PGGT1B: variants seen among roughly 807,000 people sequenced by gnomAD.
PGGT1B encodes protein geranylgeranyltransferase type I subunit beta, also known as geranylgeranyl transferase type-1 subunit beta.
PGGT1B carries 30 observed loss-of-function variants against 46.1 expected under a neutral mutation model. The observed-to-expected ratio is 0.65, with a 90% CI of 0.49 to 0.88. The LOEUF is 0.88. Ranked by LOEUF, PGGT1B falls within the 40% of genes least tolerant of loss-of-function variation. The probability of loss-of-function intolerance (pLI) is 0.00; values close to 1 mark genes in which losing one functional copy is unlikely to be tolerated. For missense variants in PGGT1B, 376 were observed against 455.9 expected, an observed-to-expected ratio of 0.82 and a Z score of 1.60; for synonymous variants, 170 against 160.0, an observed-to-expected ratio of 1.06 and a Z score of -0.47.
chr5:115,237,760 G>T, intron 4 of PGGT1B, 98 bp downstream of exon 4: 1 of 1,007,418 alleles, frequency 9.9e-7, no homozygotes, highest in Non-Finnish European at 1.4e-6. Flanking sequence ...TTCTAATAGA[G>T]TATGATCCTC....
chr5:115,237,829 CA>C, intron 4 of PGGT1B, 28 bp downstream of exon 4: 4 of 1,589,338 alleles, frequency 2.5e-6, no homozygotes, highest in Non-Finnish European at 2.6e-6. Flanking sequence ...TTGTTTATTA[CA>C]AAAAAAGTAA....
intron 5 of PGGT1B, among the ~76,000 whole-genome samples, chr5:115,232,443 C>G (rs1041534469): frequency 6.6e-6 from 1 of 152,002 alleles, no homozygotes; most frequent in Admixed American, 6.6e-5. Context: ...AGAAAAAATA[C>G]TCCATCTTAT....
chr5:115,244,265 A>C (rs1747701716), intron 2 of PGGT1B, among the ~76,000 whole-genome samples: 1 of 151,850 alleles, frequency 6.6e-6, no homozygotes, highest in South Asian at 2.1e-4. Context: ...GGAGATCAAG[A>C]CCATCCTGGC....
chr5:115,260,603 G>A (rs1748514251), intron 1 of PGGT1B, among the ~76,000 whole-genome samples: 1 of 152,098 alleles, frequency 6.6e-6, no homozygotes, highest in Non-Finnish European at 1.5e-5. Context: ...TGTGAGTTAG[G>A]AAAGAGAAAA....
intron 6 of PGGT1B, among the ~76,000 whole-genome samples, chr5:115,224,536 C>T (rs887576781): frequency 6.6e-6 from 1 of 152,006 alleles, no homozygotes; most frequent in African/African-American, 2.4e-5. Flanking sequence ...TTGTTTTACA[C>T]AAATCTCTAA....
At chr5:115,214,249 T>C (rs545516477) in intron 8 of PGGT1B, among the ~76,000 whole-genome samples, 2 of 152,270 alleles carry the variant, frequency 1.3e-5, no homozygotes, top group South Asian at 2.1e-4. Flanking sequence ...AAAAGATTTT[T>C]GTAACAGCCA....
chr5:115,229,972 G>C (rs1756926379), intron 6 of PGGT1B, among the ~76,000 whole-genome samples: 1 of 152,112 alleles, frequency 6.6e-6, no homozygotes, highest in Non-Finnish European at 1.5e-5. Context: ...GAAGAGGTGA[G>C]AAGAGGAGGA....
intron 8 of PGGT1B, among the ~76,000 whole-genome samples, chr5:115,216,145 C>T (rs1382586839): frequency 3.4e-5 from 5 of 149,000 alleles, no homozygotes; most frequent in Admixed American, 6.7e-5. Flanking sequence ...TATTTAATGA[C>T]TTTTTTTTTT....
chr5:115,240,642 A>G (rs1184056042), intron 3 of PGGT1B, among the ~76,000 whole-genome samples: 1 of 152,200 alleles, frequency 6.6e-6, no homozygotes, highest in East Asian at 1.9e-4. Context: ...CTGAAGTAGT[A>G]CCTCTATCAA....
At chr5:115,232,165 T>C (rs1167295376) in intron 5 of PGGT1B, among the ~76,000 whole-genome samples, 2 of 151,852 alleles carry the variant, frequency 1.3e-5, no homozygotes, top group African/African-American at 4.8e-5. Flanking sequence ...AAAATTAGAG[T>C]TATAGAAGAA....
At chr5:115,232,446 C>T (rs1380175253) in intron 5 of PGGT1B, among the ~76,000 whole-genome samples, 1 of 151,940 alleles carries the variant, frequency 6.6e-6, no homozygotes, top group Non-Finnish European at 1.5e-5. Flanking sequence ...AAAAATACTC[C>T]ATCTTATAAT....
At chr5:115,220,812 GATTAT>G (rs1028080444) in intron 7 of PGGT1B, among the ~76,000 whole-genome samples, 45 of 151,746 alleles carry the variant, frequency 3.0e-4, no homozygotes, top group African/African-American at 1.1e-3. Flanking sequence ...TTCATTTAGA[GATTAT>G]ATTAAAAAAT....
intron 1 of PGGT1B, 96 bp downstream of exon 1, chr5:115,262,615 GC>G: frequency 7.2e-7 from 1 of 1,386,662 alleles, no homozygotes; most frequent in South Asian, 1.4e-5. Context: ...CGGCCGCGCA[GC>G]CCCCTTCCGG....
At chr5:115,219,109 G>C (rs1235367968) in intron 7 of PGGT1B, among the ~76,000 whole-genome samples, 1 of 151,844 alleles carries the variant, frequency 6.6e-6, no homozygotes, top group Non-Finnish European at 1.5e-5. Flanking sequence ...TCAATTACCA[G>C]ATTCATATCA....
chr5:115,249,854 G>C (rs916797565), intron 2 of PGGT1B, among the ~76,000 whole-genome samples: 1 of 152,118 alleles, frequency 6.6e-6, no homozygotes, highest in African/African-American at 2.4e-5. Context: ...CTGGGCCATA[G>C]TTTATGTAAC....
In PGGT1B at chr5:115,204,653, A is replaced by C. The variant is rs963827633; in HGVS notation, c.*7749T>G. ...CTCATACCTTGTTGTTGAGTTTATG[A>C]ATGGCTACACTGTTTCTGGATGGCA... is the stretch of plus-strand genomic sequence containing the variant. On this transcript the variant is annotated 3_prime_UTR_variant, in exon 9 of 9. Transcript: ENST00000419445. The C allele has an allele frequency of 6.6e-6, 1 of 152,306 alleles. No homozygotes were observed. Among genetic ancestry groups the C allele is most frequent in the African/African-American group, 2.4e-5 (1 of 41,566 alleles). 9.4% of individuals were successfully genotyped at this position (152,306 alleles called of 1,614,324 possible).
Position 115,205,707 on chromosome 5 carries a change from C to G in PGGT1B, c.*6695G>C, listed in dbSNP as rs1756043134. The G allele has an allele frequency of 6.6e-6, 1 of 151,858 alleles. No homozygotes were observed. Among genetic ancestry groups the G allele is most frequent in the Non-Finnish European group, 1.5e-5 (1 of 67,916 alleles). 9.4% of individuals were successfully genotyped at this position (151,858 alleles called of 1,614,324 possible). ...AGTAGACAGTTTTACTATCAGAAAC[C>G]CATTTTCTGATCATATTTAAAATCT... is the stretch of plus-strand genomic sequence containing the variant. On this transcript the variant is annotated 3_prime_UTR_variant, in exon 9 of 9. Coordinates refer to ENST00000419445, the MANE Select transcript of PGGT1B (RefSeq NM_005023.4).
At chr5:115,260,855 TAC>T (rs1407030436) in intron 1 of PGGT1B, among the ~76,000 whole-genome samples, 1 of 152,198 alleles carries the variant, frequency 6.6e-6, no homozygotes, top group East Asian at 1.9e-4. Context: ...TGAACAGAAT[TAC>T]ACAGTTTAAT....
chr5:115,233,474 CT>C (rs1487898115), intron 5 of PGGT1B, among the ~76,000 whole-genome samples: 1 of 145,320 alleles, frequency 6.9e-6, no homozygotes, highest in Admixed American at 7.0e-5. Flanking sequence ...GAGAAAGTGG[CT>C]GAAAAGAAGG....
Sources: allele counts gnomAD v4.1 joint callset (sites outside exome capture counted in the v4.1 genomes callset), GRCh38; gene constraint gnomAD v4.1.1; transcripts MANE v1.5; gene names NCBI Gene and HGNC (gene_info 2026-07-23, HGNC 2026-07-21).